The following ENPP6 variants were observed in gnomAD, a reference collection of about 807,000 sequenced individuals.
The protein encoded by ENPP6 is ectonucleotide pyrophosphatase/phosphodiesterase 6, also known as glycerophosphocholine cholinephosphodiesterase ENPP6.
ENPP6 carries 32 observed loss-of-function variants against 42.0 expected under a neutral mutation model. The ratio of observed to expected loss-of-function variants is 0.76; its 90% confidence interval spans 0.58 to 1.02. ENPP6 has a LOEUF of 1.02. Ranked by LOEUF, ENPP6 falls within the 50% of genes least tolerant of loss-of-function variation. ENPP6 has a pLI of 0.00. For missense variants in ENPP6, 552 were observed against 566.8 expected (o/e 0.97, Z 0.27); for synonymous variants, 213 against 216.0 (o/e 0.99, Z 0.12).
chr4:184,208,569 C>T (rs1301123543), intron 1 of ENPP6, among the ~76,000 whole-genome samples: 1 of 151,900 alleles, frequency 6.6e-6, no homozygotes, highest in Non-Finnish European at 1.5e-5. Context: ...TTATAACCCG[C>T]ACCTGGCTGG....
At chr4:184,100,974 C>T (rs1421036916) in intron 6 of ENPP6, among the ~76,000 whole-genome samples, 1 of 152,126 alleles carries the variant, frequency 6.6e-6, no homozygotes, top group Non-Finnish European at 1.5e-5. Flanking sequence ...TGGGCATTGA[C>T]TCCAGAGTAA....
Position 184,151,050 on chromosome 4 carries a change from GC to G in ENPP6, c.421+2503del, listed in dbSNP as rs550624787. The stretch of plus-strand genomic sequence containing the variant: ...TATAAATTTGTATTCTCCAAGAGGA[GC>G]TAAAAGCCTGGAGCAGTGGCTCATG... On this transcript the variant is annotated intron_variant, in intron 2 of 7. Coordinates refer to ENST00000296741, the MANE Select transcript of ENPP6 (RefSeq NM_153343.4). 1.4e-4 allele frequency among the ~76,000 whole-genome samples: 22 copies of G among 152,304 alleles called. No individual in the cohort carries two copies. In the South Asian group the frequency reaches 4.6e-3, roughly 32 times the overall value.
intron 6 of ENPP6, among the ~76,000 whole-genome samples, chr4:184,109,095 CA>C (rs562522069): frequency 6.6e-5 from 10 of 152,164 alleles, no homozygotes; most frequent in Non-Finnish European, 1.2e-4. Context: ...CCTGTAATCT[CA>C]GCTACTTGGG....
chr4:184,113,886 C>G (rs370687348), intron 5 of ENPP6, among the ~76,000 whole-genome samples: 1 of 142,850 alleles, frequency 7.0e-6, no homozygotes, highest in Non-Finnish European at 1.5e-5. Context: ...TTTCTTTTTC[C>G]TTCCTTTCTT....
chr4:184,198,106 C>G (rs1327367821), intron 1 of ENPP6, among the ~76,000 whole-genome samples: 1 of 152,222 alleles, frequency 6.6e-6, no homozygotes, highest in Admixed American at 6.5e-5. Context: ...ATATGATGCA[C>G]TGGGCAGTTT....
chr4:184,107,595 T>G (rs113898776), intron 6 of ENPP6, among the ~76,000 whole-genome samples: 35 of 152,070 alleles, frequency 2.3e-4, no homozygotes, highest in African/African-American at 7.7e-4. Context: ...GCCAATATGG[T>G]GAAACCCCGT....
chr4:184,121,073 G>A (rs1369134481), intron 3 of ENPP6, among the ~76,000 whole-genome samples: 1 of 152,188 alleles, frequency 6.6e-6, no homozygotes, highest in East Asian at 1.9e-4. Flanking sequence ...GTAAGGTGGG[G>A]AGAGCAATGC....
chr4:184,131,209 T>C (rs1203358958), intron 2 of ENPP6, among the ~76,000 whole-genome samples: 1 of 97,934 alleles, frequency 1.0e-5, no homozygotes, highest in African/African-American at 4.4e-5. Flanking sequence ...TTCTTCTTTC[T>C]TTCTTTCTTT....
intron 7 of ENPP6, among the ~76,000 whole-genome samples, chr4:184,093,368 G>T (rs1338399076): frequency 6.6e-6 from 1 of 152,114 alleles, no homozygotes; most frequent in Non-Finnish European, 1.5e-5. Context: ...GCCAGGCACA[G>T]TGGCTCACAC....
At chr4:184,142,989 T>C (rs937417888) in intron 2 of ENPP6, among the ~76,000 whole-genome samples, 1 of 152,216 alleles carries the variant, frequency 6.6e-6, no homozygotes, top group Non-Finnish European at 1.5e-5. Flanking sequence ...TCTTTGTGTC[T>C]GAGGCACGTG....
intron 6 of ENPP6, among the ~76,000 whole-genome samples, chr4:184,108,095 C>T (rs565567302): frequency 1.3e-5 from 2 of 152,072 alleles, no homozygotes; most frequent in East Asian, 3.9e-4. Flanking sequence ...GCATTTTTAC[C>T]AAGGAAACCA....
intron 3 of ENPP6, among the ~76,000 whole-genome samples, chr4:184,121,647 T>C (rs957969080): frequency 6.6e-6 from 1 of 152,236 alleles, no homozygotes; most frequent in Non-Finnish European, 1.5e-5. Flanking sequence ...GGGTCTCTGA[T>C]GGACAGACCA....
At chr4:184,124,380 G>T (rs1255250840) in intron 2 of ENPP6, 108 bp from the exon 3 acceptor site, 4 of 785,822 alleles carry the variant, frequency 5.1e-6, no homozygotes, top group Admixed American at 5.4e-5. Flanking sequence ...AAATAAAAAT[G>T]TTGAGTATTT....
intron 1 of ENPP6, among the ~76,000 whole-genome samples, chr4:184,159,506 C>T (rs1291017415): frequency 6.6e-6 from 1 of 152,188 alleles, no homozygotes; most frequent in Non-Finnish European, 1.5e-5. Flanking sequence ...ATAAATAGTC[C>T]TAGTGGACTG....
rs949343776 is a variant in ENPP6, at chr4:184,153,413, C to T, written c.421+141G>A. On this transcript the variant is annotated intron_variant, in intron 2 of 7. Coordinates refer to ENST00000296741, the MANE Select transcript of ENPP6 (RefSeq NM_153343.4). Reference sequence around the variant, plus strand: ...TGCTGGGATTACAGGCCTGAGCCACCGTGCCCAGCCAATACATATTTCTTA... The same window carrying T: ...TGCTGGGATTACAGGCCTGAGCCACTGTGCCCAGCCAATACATATTTCTTA... 1.7e-5 allele frequency: 17 copies of T among 972,202 alleles called. No individual in the cohort carries two copies. The South Asian group carries it at 1.8e-4, about 10-fold the overall frequency. 60.2% of individuals were successfully genotyped at this position (972,202 alleles called of 1,614,324 possible). A position where few individuals can be genotyped will look rare whatever the true frequency, so the allele number is the denominator to read the frequency against.
chr4:184,177,445 G>A (rs867071681), intron 1 of ENPP6, among the ~76,000 whole-genome samples: 14 of 152,294 alleles, frequency 9.2e-5, no homozygotes, highest in African/African-American at 3.4e-4. Flanking sequence ...TGCTGGCTCC[G>A]TGGAATCTGG....
chr4:184,217,793 C>A lies in ENPP6; in HGVS notation c.27G>T (p.Leu9=). Residue 9 remains leucine (L), a synonymous_variant, in exon 1 of 8, where the codon CTG becomes CTT. Coordinates refer to ENST00000296741, the MANE Select transcript of ENPP6 (RefSeq NM_153343.4). The stretch of plus-strand genomic sequence containing the variant: ...GGGCCAGGCCCAGGGCAAGGGCCAG[C>A]AGGAGGGTCCCAAGCTTCACTGCCA... MAVKLGTL[L]LALALGLAQP... is the part of the protein sequence containing the mutation. 1 of 1,613,744 alleles carries A rather than the reference C, an allele frequency of 6.2e-7. No homozygotes were observed. Among genetic ancestry groups the A allele is most frequent in the Non-Finnish European group, 8.5e-7 (1 of 1,179,990 alleles).
At chr4:184,190,223 C>T (rs867439292) in intron 1 of ENPP6, among the ~76,000 whole-genome samples, 1 of 152,228 alleles carries the variant, frequency 6.6e-6, no homozygotes, top group Non-Finnish European at 1.5e-5. Context: ...CACCAGAGTA[C>T]TGGATTACTC....
intron 6 of ENPP6, 39 bp from the exon 7 acceptor site, chr4:184,097,407 G>A (rs752237304): frequency 6.2e-7 from 1 of 1,610,558 alleles, no homozygotes; most frequent in East Asian, 2.2e-5. Context: ...ACTACGTCCT[G>A]ACCGTGGCGC....
Sources: gnomAD v4.1 joint callset for allele counts (sites outside exome capture counted in the v4.1 genomes callset) on GRCh38, gnomAD v4.1.1 for gene constraint, MANE v1.5 for transcripts, NCBI Gene and HGNC (gene_info 2026-07-23, HGNC 2026-07-21) for gene names.